Variants in HPS1 observed in about 807,000 individuals in gnomAD.
HPS1 encodes HPS1 biogenesis of lysosomal organelles complex 3 subunit 1.
A neutral mutation model predicts 90.6 loss-of-function variants in HPS1; 59 were observed. The ratio of observed to expected loss-of-function variants is 0.65; its 90% CI spans 0.53 to 0.81. The LOEUF is 0.81. Ranked by LOEUF, HPS1 falls within the 30% of genes least tolerant of loss-of-function variation. The probability of loss-of-function intolerance (pLI) is 0.00; values close to 1 mark genes in which losing one functional copy is unlikely to be tolerated. For missense variants in HPS1, 849 were observed against 896.7 expected (o/e 0.95, Z 0.68); for synonymous variants, 388 against 384.4 (o/e 1.01, Z -0.11).
chr10:98,422,285 C>T, intron 17 of HPS1, 84 bp downstream of exon 17: 3 of 1,497,168 alleles, frequency 2.0e-6, no homozygotes, highest in Admixed American at 3.3e-5. Flanking sequence ...ACTCTGCTAG[C>T]CCCAGGCATG....
rs202101152 is a variant in HPS1 at position 98,423,753 on chromosome 10, C to A, written c.1532G>T (p.Arg511Leu). 4 of 1,614,114 alleles carry A rather than the reference C, an allele frequency of 2.5e-6. No homozygotes were observed. Among genetic ancestry groups the A allele is most frequent in the African/African-American group, 1.3e-5 (1 of 75,062 alleles). ...HLQDQVQRLMREKLTDWKDFL... is the reference protein window; with the variant it reads ...HLQDQVQRLMLEKLTDWKDFL... The stretch of plus-strand genomic sequence containing the variant: ...ACCCAGGGGGCCGCACTGCACTTAC[C>A]GCATGAGCCTCTGCACTTGGTCCTG... The change falls in exon 15 of 20, where the codon CGG becomes CTG. Residue 511 changes from arginine to leucine, a missense_variant and splice_region_variant. Coordinates refer to ENST00000361490, the MANE Select transcript of HPS1 (RefSeq NM_000195.5).
chr10:98,433,254 T>G (rs182914335), intron 6 of HPS1, among the ~76,000 whole-genome samples: 2 of 133,930 alleles, frequency 1.5e-5, no homozygotes, highest in Admixed American at 1.5e-4. Flanking sequence ...AAAAAAGAAA[T>G]GCAAGTTCTA....
At position 98,420,151 on chromosome 10, in the gene HPS1, G is replaced by T; in HGVS notation, c.1751C>A (p.Ser584Tyr). ...LAAFVKTKVW[S>Y]LIQLARRYLQ... ...GTATCTGCGCGCCAGCTGGATCAGA[G>T]ACCAGACCTGGGGAAAAGACAGCAA... The change falls in exon 18 of 20, where the codon TCT becomes TAT. Residue 584 changes from serine to tyrosine, a missense_variant. Ser to Tyr is a moderately radical substitution (Grantham distance 144). Transcript: ENST00000361490. The T allele has an allele frequency of 6.2e-7, 1 of 1,611,688 alleles. No homozygotes were observed. Among genetic ancestry groups the T allele is most frequent in the South Asian group, 1.1e-5 (1 of 91,034 alleles).
chr10:98,435,511 G>A lies in HPS1; in HGVS notation c.256-97C>T, dbSNP rs565762525. 245 of 1,610,134 alleles carry A rather than the reference G, an allele frequency of 1.5e-4. 8 individuals carry two copies. In the South Asian group the frequency reaches 2.6e-3, roughly 17 times the overall value. On this transcript the variant is annotated intron_variant, in intron 4 of 19. Transcript: ENST00000361490. This position sits in a 1 kb window ranked among gnomAD's most constrained non-coding sequence, Gnocchi z 4.3. ...CAAGCCAGGGGAGGCTCGGGTCCCA[G>A]GCGGGTTTGATAAGATGCCGTTTCT...
At chr10:98,440,616 G>C (rs1235764808) in intron 3 of HPS1, among the ~76,000 whole-genome samples, 4 of 151,832 alleles carry the variant, frequency 2.6e-5, no homozygotes, top group Non-Finnish European at 5.9e-5. Flanking sequence ...AAAGCTAATA[G>C]CTCTGGGTCA....
Position 98,426,745 on chromosome 10 carries a change from AGTGT to A in HPS1, c.987+466_987+469del, listed in dbSNP as rs58431822. Among the ~76,000 whole-genome samples, 617 of 147,882 alleles carry A rather than the reference AGTGT, an allele frequency of 4.2e-3. 4 individuals carry two copies. In the East Asian group the frequency reaches 0.043, roughly 10 times the overall value. On this transcript the variant is annotated intron_variant, in intron 11 of 19. Transcript: ENST00000361490. ...TAAAAATACACATGTGTACATATGT[AGTGT>A]GTGTGTGTGTGTGTGTGTGTGTGTG...
downstream of HPS1, among the ~76,000 whole-genome samples, chr10:98,415,873 A>AT (rs965352806): frequency 7.2e-5 from 11 of 152,300 alleles, no homozygotes; most frequent in African/African-American, 2.6e-4. Flanking sequence ...CACCTTGCCC[A>AT]TTTTCCAAGA....
chr10:98,426,778 G>GTA (rs1845663603), intron 11 of HPS1, among the ~76,000 whole-genome samples: 1 of 148,560 alleles, frequency 6.7e-6, no homozygotes. Context: ...GTGTGTGTGT[G>GTA]TAAAGTCATA....
chr10:98,440,484 A>T (rs1273334819), intron 3 of HPS1, among the ~76,000 whole-genome samples: 5 of 152,178 alleles, frequency 3.3e-5, no homozygotes, highest in Non-Finnish European at 7.4e-5. Context: ...GAGACTATTT[A>T]AAAAAATAGA....
In HPS1 at chr10:98,424,768, G is replaced by T. The variant is rs546153939; in HGVS notation, c.1336-394C>A. Among the ~76,000 whole-genome samples, 11 of 151,778 alleles carry T rather than the reference G, an allele frequency of 7.2e-5. No homozygotes were observed. The South Asian group carries it at 2.1e-3, about 29-fold the overall frequency. On this transcript the variant is annotated intron_variant, in intron 13 of 19. Transcript: ENST00000361490. Reference sequence around the variant, plus strand: ...GGCATGGGGTAGCCATGCAGGGGGCGGCCTCACGGGATCTCTATAAAGCAG... The same window carrying T: ...GGCATGGGGTAGCCATGCAGGGGGCTGCCTCACGGGATCTCTATAAAGCAG...
intron 3 of HPS1, among the ~76,000 whole-genome samples, chr10:98,441,999 C>T (rs1938516036): frequency 6.6e-6 from 1 of 152,190 alleles, no homozygotes; most frequent in Non-Finnish European, 1.5e-5. Flanking sequence ...ATGAAAGCAT[C>T]CATGTATACA....
intron 3 of HPS1, among the ~76,000 whole-genome samples, chr10:98,439,271 C>A (rs1346482843): frequency 6.6e-6 from 1 of 152,150 alleles, no homozygotes; most frequent in Non-Finnish European, 1.5e-5. Context: ...ATCCTCTAGC[C>A]CCCAGAATGG....
At chr10:98,418,294 GTA>G in intron 18 of HPS1, 37 bp from the exon 19 acceptor site, 1 of 1,275,290 alleles carries the variant, frequency 7.8e-7, no homozygotes, top group Non-Finnish European at 1.1e-6. Context: ...GGGTGTGGGG[GTA>G]GTGCAAGGGC....
At chr10:98,431,723 G>A (rs1393745609) in intron 6 of HPS1, among the ~76,000 whole-genome samples, 1 of 152,062 alleles carries the variant, frequency 6.6e-6, no homozygotes, top group Non-Finnish European at 1.5e-5. Context: ...ATATTCAGAG[G>A]CCATGAGATG....
intron 11 of HPS1, 176 bp downstream of exon 11, chr10:98,427,039 G>A (rs1384698935): frequency 1.8e-6 from 1 of 568,192 alleles, no homozygotes; most frequent in Non-Finnish European, 3.1e-6. Context: ...CCTGGACCCT[G>A]CCTCTGGGCT....
chr10:98,418,148 C>T (rs766342917), intron 19 of HPS1, 27 bp downstream of exon 19: 3 of 1,504,598 alleles, frequency 2.0e-6, no homozygotes, highest in Non-Finnish European at 2.8e-6. Context: ...GGGCATCTGT[C>T]CCCAGTGGCT....
chr10:98,442,974 T>C (rs1938715085), intron 3 of HPS1, 150 bp downstream of exon 3: 2 of 753,400 alleles, frequency 2.7e-6, no homozygotes, highest in Non-Finnish European at 4.9e-6. Flanking sequence ...GATAAGGGTC[T>C]AGGTGTGAAG....
intron 3 of HPS1, among the ~76,000 whole-genome samples, chr10:98,436,498 T>C (rs1319955673): frequency 6.6e-6 from 1 of 152,346 alleles, no homozygotes; most frequent in African/African-American, 2.4e-5. Context: ...TATTTTTAAG[T>C]ATGTTTCTGT....
At chr10:98,422,287 C>G in intron 17 of HPS1, 82 bp downstream of exon 17, 2 of 1,510,912 alleles carry the variant, frequency 1.3e-6, no homozygotes, top group Non-Finnish European at 1.8e-6. Context: ...TCTGCTAGCC[C>G]CAGGCATGTG....
Sources: gnomAD v4.1 joint callset for allele counts (sites outside exome capture counted in the v4.1 genomes callset) on GRCh38, gnomAD v4.1.1 for gene constraint, Gnocchi (gnomAD v3.1) non-coding constraint, MANE v1.5 for transcripts, NCBI Gene and HGNC (gene_info 2026-07-23, HGNC 2026-07-21) for gene names.